MACROD2: variants seen among roughly 807,000 people sequenced by gnomAD.
The protein encoded by MACROD2 is mono-ADP ribosylhydrolase 2.
Under a neutral mutation model 70.4 loss-of-function variants are expected in MACROD2, and 36 were observed. The observed-to-expected ratio is 0.51, with a 90% CI of 0.39 to 0.68. The LOEUF is 0.68. Among genes scored for constraint, MACROD2 ranks in the 30% least tolerant of loss-of-function variants. The probability of loss-of-function intolerance (pLI) is 0.00; values close to 1 mark genes in which losing one functional copy is unlikely to be tolerated. For missense variants in MACROD2, 496 were observed against 538.4 expected, an observed-to-expected ratio of 0.92 and a Z score of 0.78; for synonymous variants, 172 against 178.8, an observed-to-expected ratio of 0.96 and a Z score of 0.30.
intron 4 of MACROD2, among the ~76,000 whole-genome samples, chr20:14,596,510 T>G (rs1353743800): frequency 6.6e-6 from 1 of 151,566 alleles, no homozygotes; most frequent in Non-Finnish European, 1.5e-5. Context: ...ATGCATTTTT[T>G]TCTGTCAATT....
At chr20:14,146,948 T>TTTGTATGTATATAGTA (rs1344621793) in intron 3 of MACROD2, among the ~76,000 whole-genome samples, 8 of 152,220 alleles carry the variant, frequency 5.3e-5, no homozygotes, top group Middle Eastern at 3.4e-3. Flanking sequence ...GGCCAGGGCT[T>TTTGTATGTATATAGTA]TTGTATGTAT....
chr20:15,392,763 C>T (rs2045810238), intron 6 of MACROD2, among the ~76,000 whole-genome samples: 1 of 151,872 alleles, frequency 6.6e-6, no homozygotes, highest in Non-Finnish European at 1.5e-5. Flanking sequence ...CCCTGTTTTT[C>T]TTCTTTCCTC....
rs146210478 is a variant in MACROD2 at position 15,460,201 on chromosome 20, A to G, written c.571+28766A>G. ...AGAGTGATGTCAACATGGATAAAAC[A>G]AGACCCCAGAAACTTTTCATAAGAA... On this transcript the variant is annotated intron_variant, in intron 7 of 17. Transcript: ENST00000684519. 7.6e-3 allele frequency among the ~76,000 whole-genome samples: 1,154 copies of G among 152,284 alleles called. 33 individuals carry two copies. The highest frequency in any genetic ancestry group is 0.059 in the Admixed American group (895 of 15,280).
chr20:14,249,136 T>A (rs868313851), intron 3 of MACROD2, among the ~76,000 whole-genome samples: 1,765 of 149,360 alleles, frequency 0.012, 34 homozygotes, highest in African/African-American at 0.037. Flanking sequence ...AGGTTTTTTT[T>A]TTTTTTTTTT....
intron 3 of MACROD2, among the ~76,000 whole-genome samples, chr20:14,347,104 C>G (rs1304659948): frequency 6.6e-6 from 1 of 152,154 alleles, no homozygotes; most frequent in Non-Finnish European, 1.5e-5. Context: ...TGAAATGAGA[C>G]TGAAAGCAGC....
chr20:14,444,911 C>G (rs1397146118), intron 3 of MACROD2, among the ~76,000 whole-genome samples: 2 of 151,720 alleles, frequency 1.3e-5, no homozygotes, highest in Admixed American at 6.6e-5. Flanking sequence ...TCACCATCAC[C>G]CATTACACCC....
chr20:15,859,340 G>A (rs932675326), intron 8 of MACROD2, among the ~76,000 whole-genome samples: 1 of 152,122 alleles, frequency 6.6e-6, no homozygotes, highest in African/African-American at 2.4e-5. Flanking sequence ...CATATAAGTA[G>A]ACCTGTGCAG....
At chr20:15,914,344 G>T (rs764445864) in intron 10 of MACROD2, among the ~76,000 whole-genome samples, 17 of 152,210 alleles carry the variant, frequency 1.1e-4, no homozygotes, top group Non-Finnish European at 1.9e-4. Flanking sequence ...CAATGAATTT[G>T]TTAAGTTGTT....
intron 5 of MACROD2, among the ~76,000 whole-genome samples, chr20:14,841,103 T>C (rs1042528533): frequency 2.6e-5 from 4 of 152,180 alleles, no homozygotes; most frequent in African/African-American, 9.6e-5. Context: ...AATATTTTCC[T>C]TTGACCAATA....
chr20:14,578,954 G>A (rs967028130), intron 4 of MACROD2, among the ~76,000 whole-genome samples: 26 of 150,670 alleles, frequency 1.7e-4, no homozygotes, highest in Non-Finnish European at 1.0e-4. Context: ...TTCTTCCCAT[G>A]TTTCTTGGAA....
At chr20:14,549,471 C>A (rs1978510340) in intron 4 of MACROD2, among the ~76,000 whole-genome samples, 1 of 152,162 alleles carries the variant, frequency 6.6e-6, no homozygotes, top group South Asian at 2.1e-4. Context: ...TTACATCAAG[C>A]ATTTTTAATT....
At chr20:15,781,795 C>T (rs6135512) in intron 8 of MACROD2, among the ~76,000 whole-genome samples, 30,221 of 151,812 alleles carry the variant, frequency 0.2, 3,044 homozygotes, top group Non-Finnish European at 0.22. Flanking sequence ...GGATGATACC[C>T]GAGCTACACT....
rs149303220 is a variant in MACROD2, at chr20:14,225,147, G to A, written c.271+139419G>A. On this transcript the variant is annotated intron_variant, in intron 3 of 17. Transcript: ENST00000684519. ...TTTTTCTATAATGGCAGAATAATTT[G>A]TTTTCCTCTTCAGAATAATTGCAAG... Among the ~76,000 whole-genome samples the A allele has an allele frequency of 8.5e-3, 1,291 of 152,144 alleles. 6 individuals carry two copies. The highest frequency in any genetic ancestry group is 0.015 in the South Asian group (72 of 4,824).
rs111732138 is a variant in MACROD2 at position 14,922,674 on chromosome 20, T to C, written c.418+237715T>C. Among the ~76,000 whole-genome samples the C allele has an allele frequency of 4.1e-3, 623 of 152,282 alleles. 1 individual carries two copies. Among genetic ancestry groups the C allele is most frequent in the African/African-American group, 0.014 (588 of 41,572 alleles). The stretch of plus-strand genomic sequence containing the variant: ...CCACAAGGAAAGGCGAATGTTGATA[T>C]ACAGTGACTGGAACTGATTTTTATC... On this transcript the variant is annotated intron_variant, in intron 5 of 17. Transcript: ENST00000684519.
chr20:15,151,652 G>T (rs1411218694), intron 5 of MACROD2, among the ~76,000 whole-genome samples: 1 of 152,036 alleles, frequency 6.6e-6, no homozygotes, highest in African/African-American at 2.4e-5. Context: ...CCATGAACTG[G>T]GCTGGATTTT....
At chr20:15,677,523 C>A (rs904463441) in intron 8 of MACROD2, among the ~76,000 whole-genome samples, 1 of 152,130 alleles carries the variant, frequency 6.6e-6, no homozygotes, top group Non-Finnish European at 1.5e-5. Context: ...CCAGGCAGAG[C>A]CTTTGGTGAC....
At chr20:14,104,769 G>C (rs2054346646) in intron 3 of MACROD2, among the ~76,000 whole-genome samples, 1 of 152,152 alleles carries the variant, frequency 6.6e-6, no homozygotes, top group African/African-American at 2.4e-5. Context: ...TTTGGACTGA[G>C]CCAATTAAAC....
intron 3 of MACROD2, among the ~76,000 whole-genome samples, chr20:14,342,822 A>G (rs1358054354): frequency 6.6e-6 from 1 of 152,162 alleles, no homozygotes; most frequent in African/African-American, 2.4e-5. Context: ...ATCTGTCATT[A>G]CAGGACTTGA....
chr20:14,418,240 T>C (rs1272097750), intron 3 of MACROD2, among the ~76,000 whole-genome samples: 2 of 152,208 alleles, frequency 1.3e-5, no homozygotes, highest in African/African-American at 4.8e-5. Flanking sequence ...TAGTATTGTT[T>C]CCATAATAAG....
Sources: allele counts gnomAD v4.1 joint callset (sites outside exome capture counted in the v4.1 genomes callset), GRCh38; gene constraint gnomAD v4.1.1; transcripts MANE v1.5; gene names NCBI Gene and HGNC (gene_info 2026-07-23, HGNC 2026-07-21).